The following VRTN variants were observed in gnomAD, a reference collection of about 807,000 sequenced individuals.
VRTN encodes the protein vertnin.
A neutral mutation model predicts 18.2 loss-of-function variants in VRTN; 5 were observed. The ratio of observed to expected loss-of-function variants is 0.27; its 90% CI spans 0.14 to 0.58. VRTN has a LOEUF of 0.58. VRTN is among the 20% of genes least tolerant of loss of function. VRTN has a pLI of 0.91. For synonymous variants in VRTN, 381 were observed against 393.7 expected (o/e 0.97, Z 0.38); for missense variants, 741 against 939.4 (o/e 0.79, Z 2.76).
At chr14:74,334,078 C>T (rs1312878782) in intron 1 of VRTN, among the ~76,000 whole-genome samples, 1 of 152,122 alleles carries the variant, frequency 6.6e-6, no homozygotes, top group Non-Finnish European at 1.5e-5. Flanking sequence ...GTGGCTCACC[C>T]AGGCAATGTG....
intron 1 of VRTN, among the ~76,000 whole-genome samples, chr14:74,327,260 C>T (rs1490581774): frequency 5.9e-5 from 9 of 152,184 alleles, no homozygotes; most frequent in Admixed American, 3.3e-4. Context: ...CAAGCCTCCT[C>T]GGTCCGCTGG....
chr14:74,325,031 G>A (rs2085480072), intron 1 of VRTN, among the ~76,000 whole-genome samples: 2 of 152,204 alleles, frequency 1.3e-5, no homozygotes, highest in South Asian at 4.1e-4. Context: ...GAAACCAGTA[G>A]GGGGGAGTGT....
chr14:74,312,897 C>T (rs2085397642), intron 1 of VRTN, among the ~76,000 whole-genome samples: 1 of 152,070 alleles, frequency 6.6e-6, no homozygotes, highest in Non-Finnish European at 1.5e-5. Context: ...CTCACTCCAC[C>T]ACGCCTGGCT....
chr14:74,331,127 G>A (rs151269112), intron 1 of VRTN, among the ~76,000 whole-genome samples: 6,117 of 151,914 alleles, frequency 0.04, 164 homozygotes, highest in Non-Finnish European at 0.06. Flanking sequence ...GCGTGAACCC[G>A]GGAGGCGGAG....
chr14:74,358,939 A>G lies in VRTN; in HGVS notation c.*47A>G. On this transcript the variant is annotated 3_prime_UTR_variant, in exon 2 of 2. Transcript: ENST00000256362. The surrounding 1 kb of genome is among the most constrained non-coding windows in gnomAD (Gnocchi z 5.4). ...GGGAAGAAGGGGGACCAGTTTGGAG[A>G]GGGTCAGGGACCTGAGCTGACCCCA... is the stretch of plus-strand genomic sequence containing the variant. 1.3e-6 allele frequency: 2 copies of G among 1,561,856 alleles called. No homozygotes were observed. Among genetic ancestry groups the G allele is most frequent in the Non-Finnish European group, 1.7e-6 (2 of 1,153,814 alleles).
chr14:74,316,783 C>CG (rs2085421594), intron 1 of VRTN, among the ~76,000 whole-genome samples: 2 of 151,668 alleles, frequency 1.3e-5, no homozygotes, highest in South Asian at 4.2e-4. Context: ...ACTACAGGCG[C>CG]CCGCCACCAT....
At chr14:74,319,375 A>G (rs528009775) in intron 1 of VRTN, among the ~76,000 whole-genome samples, 1 of 152,234 alleles carries the variant, frequency 6.6e-6, no homozygotes, top group Admixed American at 6.5e-5. Context: ...GACAATAGAG[A>G]CAATCAGATT....
rs148125467 is a variant in VRTN at position 74,342,695 on chromosome 14, T to C, written c.-2+4811T>C. On this transcript the variant is annotated intron_variant, in intron 2 of 2. Coordinates refer to the VRTN transcript ENST00000557177. ...CTCTGTCACCCAGACTGGATTGCAG[T>C]GGTGTGATCACAGCTCACTACAACC... 6.8e-3 allele frequency among the ~76,000 whole-genome samples: 1,028 copies of C among 152,078 alleles called. 11 individuals carry two copies. The highest frequency in any genetic ancestry group is 0.023 in the African/African-American group (950 of 41,510).
At chr14:74,318,613 T>C (rs1876364602) in intron 1 of VRTN, among the ~76,000 whole-genome samples, 1 of 152,092 alleles carries the variant, frequency 6.6e-6, no homozygotes, top group African/African-American at 2.4e-5. Context: ...CGTTTCACCA[T>C]GCTGGCCAGG....
chr14:74,331,290 G>A (rs949723067), intron 1 of VRTN, among the ~76,000 whole-genome samples: 2 of 151,778 alleles, frequency 1.3e-5, no homozygotes, highest in African/African-American at 4.8e-5. Flanking sequence ...CACTTTGGGA[G>A]GCAGAGGCAG....
chr14:74,354,036 C>A (rs1234954687), intron 1 of VRTN, among the ~76,000 whole-genome samples: 3 of 152,094 alleles, frequency 2.0e-5, no homozygotes, highest in Non-Finnish European at 4.4e-5. Context: ...GGCCTATCTT[C>A]TTTTAAACCA....
intron 2 of VRTN, chr14:74,338,018 G>A (rs2085576896): frequency 6.6e-6 from 1 of 152,012 alleles, no homozygotes; most frequent in African/African-American, 2.4e-5. Context: ...AGAATGAATA[G>A]TAAAATGAAC....
At chr14:74,320,249 CTTTTTTTTTTT>C (rs71115982) in intron 1 of VRTN, among the ~76,000 whole-genome samples, 5 of 72,736 alleles carry the variant, frequency 6.9e-5, no homozygotes, top group South Asian at 1.2e-3. Context: ...GATCCCATCC[CTTTTTTTTTTT>C]TTTTTTTTTT....
chr14:74,321,950 C>T (rs935172323), intron 1 of VRTN, among the ~76,000 whole-genome samples: 2 of 152,148 alleles, frequency 1.3e-5, no homozygotes, highest in African/African-American at 2.4e-5. Flanking sequence ...GAGCGATTTT[C>T]CTGCCTCAGC....
intron 1 of VRTN, among the ~76,000 whole-genome samples, chr14:74,303,795 A>G (rs1271742014): frequency 2.0e-5 from 3 of 149,118 alleles, no homozygotes; most frequent in Non-Finnish European, 3.0e-5. Flanking sequence ...ACTTGTCTTT[A>G]TGAAAGTTGC....
At chr14:74,314,845 GT>G (rs1041769935) in intron 1 of VRTN, among the ~76,000 whole-genome samples, 5 of 152,212 alleles carry the variant, frequency 3.3e-5, no homozygotes, top group African/African-American at 1.2e-4. Context: ...TTCTTGGCCT[GT>G]TTGTGTGGTG....
In VRTN at chr14:74,359,787, G is replaced by A. The variant is rs1247510023; in HGVS notation, c.*895G>A. ...CTCTGTTTGCAGATTATGGCCCAGAGTCTCTGCTTGTGGGTGCTTGATCCA... is the reference window on the plus strand; with the variant it reads ...CTCTGTTTGCAGATTATGGCCCAGAATCTCTGCTTGTGGGTGCTTGATCCA... On this transcript the variant is annotated 3_prime_UTR_variant, in exon 2 of 2. Coordinates refer to ENST00000256362, the MANE Select transcript of VRTN (RefSeq NM_018228.3). The A allele has an allele frequency of 6.0e-6, 1 of 167,060 alleles. No homozygotes were observed. Among genetic ancestry groups the A allele is most frequent in the Non-Finnish European group, 1.5e-5 (1 of 68,216 alleles). 10.3% of individuals were successfully genotyped at this position (167,060 alleles called of 1,614,324 possible).
Position 74,339,446 on chromosome 14 carries a change from C to T in VRTN, c.-2+1562C>T, listed in dbSNP as rs531103755. Among the ~76,000 whole-genome samples, 3 of 125,570 alleles carry T rather than the reference C, an allele frequency of 2.4e-5. No individual in the cohort carries two copies. In the South Asian group the frequency reaches 7.4e-4, roughly 31 times the overall value. The allele number at this position is 125,570 out of a possible 152,430, so 82.4% of individuals were successfully genotyped here. On this transcript the variant is annotated intron_variant, in intron 2 of 2. Coordinates refer to the VRTN transcript ENST00000557177. ...GGAGTAAAGGTCTCAGTCCTGGGTA[C>T]AGGCAAGAGAGGGTAAAAGAGAAGG...
At chr14:74,349,337 A>AG (rs11396957) in intron 1 of VRTN, among the ~76,000 whole-genome samples, 152,345 of 152,346 alleles carry the variant, frequency 1, 76,172 homozygotes, top group Non-Finnish European at 1. Flanking sequence ...AGGCCCTGGC[A>AG]GGCGCAGCCT....
Sources: allele counts gnomAD v4.1 joint callset (sites outside exome capture counted in the v4.1 genomes callset), GRCh38; gene constraint gnomAD v4.1.1; non-coding constraint Gnocchi (gnomAD v3.1); transcripts MANE v1.5; gene names NCBI Gene and HGNC (gene_info 2026-07-23, HGNC 2026-07-21).